Variants in PRKN observed in about 807,000 individuals in gnomAD.
PRKN encodes the protein parkin RBR E3 ubiquitin protein ligase, also known as E3 ubiquitin-protein ligase parkin.
PRKN carries 56 observed loss-of-function variants against 59.5 expected under a neutral mutation model. That is an observed-to-expected ratio of 0.94 (90% confidence interval 0.76 to 1.18). PRKN has a LOEUF of 1.18. PRKN is among the 50% of genes most tolerant of loss of function. The pLI is 0.00. For synonymous variants in PRKN, 250 were observed against 222.1 expected (o/e 1.13, Z -1.12); for missense variants, 657 against 596.4 (o/e 1.10, Z -1.06).
At chr6:161,660,311 T>C (rs529998924) in intron 7 of PRKN, among the ~76,000 whole-genome samples, 6 of 152,210 alleles carry the variant, frequency 3.9e-5, no homozygotes, top group African/African-American at 1.4e-4. Context: ...ATGAGCCAGA[T>C]GGTCAAAGTG....
chr6:162,478,496 A>G (rs73785513), intron 1 of PRKN, among the ~76,000 whole-genome samples: 1,940 of 152,294 alleles, frequency 0.013, 51 homozygotes, highest in African/African-American at 0.044. Flanking sequence ...ACAGCCAGTG[A>G]ACAATCTAGG....
intron 1 of PRKN, among the ~76,000 whole-genome samples, chr6:162,658,945 G>C (rs1202139711): frequency 6.6e-6 from 1 of 151,986 alleles, no homozygotes; most frequent in Non-Finnish European, 1.5e-5. Flanking sequence ...TTTTTTAGTA[G>C]TAAAAAGAAG....
chr6:161,931,919 A>T (rs2128241057), intron 6 of PRKN, among the ~76,000 whole-genome samples: 1 of 152,296 alleles, frequency 6.6e-6, no homozygotes, highest in East Asian at 1.9e-4. Flanking sequence ...CGATTAGGAG[A>T]TTGTAGAGGA....
chr6:162,560,853 CA>C (rs60391138), intron 1 of PRKN, among the ~76,000 whole-genome samples: 6 of 56,506 alleles, frequency 1.1e-4, no homozygotes, highest in Non-Finnish European at 1.5e-4. Context: ...GAGAGAGAGG[CA>C]AAAAAAAAAA....
chr6:162,002,726 T>A (rs753997922), intron 5 of PRKN, among the ~76,000 whole-genome samples: 3 of 152,114 alleles, frequency 2.0e-5, no homozygotes, highest in African/African-American at 4.8e-5. Flanking sequence ...GAAACTGAGA[T>A]GATTTATTTT....
intron 6 of PRKN, among the ~76,000 whole-genome samples, chr6:161,882,567 T>C (rs1562362632): frequency 6.6e-6 from 1 of 152,226 alleles, no homozygotes; most frequent in Non-Finnish European, 1.5e-5. Flanking sequence ...TTAAACTGCA[T>C]AAAGATCAAA....
chr6:161,850,880 T>G (rs1793404793), intron 6 of PRKN, among the ~76,000 whole-genome samples: 1 of 152,214 alleles, frequency 6.6e-6, no homozygotes, highest in Admixed American at 6.5e-5. Context: ...CTTCCAATGC[T>G]ATAACCACTT....
At chr6:162,181,789 G>A (rs1004051491) in intron 4 of PRKN, among the ~76,000 whole-genome samples, 1 of 152,110 alleles carries the variant, frequency 6.6e-6, no homozygotes, top group Admixed American at 6.5e-5. Context: ...AACTATCCCT[G>A]CCCAAGAGAA....
rs781608005 is a variant in PRKN, at chr6:162,201,147, G to A, written c.518C>T (p.Thr173Met). 105 of 1,614,012 alleles carry A rather than the reference G, an allele frequency of 6.5e-5. No homozygotes were observed. Among genetic ancestry groups the A allele is most frequent in the African/African-American group, 8.0e-5 (6 of 74,906 alleles). ...TTTCCTTACCTGGGTCAAGGTGAGCGTTGCCTGCCTGCAGGTGCTGCACTG... is the reference window on the plus strand; with the variant it reads ...TTTCCTTACCTGGGTCAAGGTGAGCATTGCCTGCCTGCAGGTGCTGCACTG... ...RVQCSTCRQA[T>M]LTLTQGPSCW... Residue 173 changes from threonine to methionine, a missense_variant, in exon 4 of 12, where the codon ACG (threonine) becomes ATG (methionine). By Grantham distance (81) the Thr-to-Met change is moderately conservative (BLOSUM62 -1). Transcript: ENST00000366898.
intron 9 of PRKN, among the ~76,000 whole-genome samples, chr6:161,522,459 C>T (rs1220098896): frequency 1.3e-5 from 2 of 152,196 alleles, no homozygotes; most frequent in African/African-American, 4.8e-5. Flanking sequence ...TACTGAGGAA[C>T]AAATTGCTTT....
At chr6:162,115,515 AAAAT>A (rs1230504217) in intron 4 of PRKN, among the ~76,000 whole-genome samples, 4 of 151,184 alleles carry the variant, frequency 2.6e-5, no homozygotes, top group Non-Finnish European at 5.9e-5. Flanking sequence ...TAAATACATT[AAAAT>A]AAATAAATAA....
chr6:162,547,770 G>C (rs1038781083), intron 1 of PRKN, among the ~76,000 whole-genome samples: 1 of 151,732 alleles, frequency 6.6e-6, no homozygotes, highest in African/African-American at 2.4e-5. Context: ...TAGTAGAGAC[G>C]GGGGTTTCAA....
At chr6:161,653,191 T>C (rs898924487) in intron 7 of PRKN, among the ~76,000 whole-genome samples, 1 of 151,408 alleles carries the variant, frequency 6.6e-6, no homozygotes, top group African/African-American at 2.4e-5. Flanking sequence ...TGAAACCCCG[T>C]CTCTATTAAA....
At chr6:162,448,280 T>C (rs1306090505) in intron 1 of PRKN, among the ~76,000 whole-genome samples, 1 of 152,110 alleles carries the variant, frequency 6.6e-6, no homozygotes, top group Non-Finnish European at 1.5e-5. Context: ...TATCACTAAA[T>C]CTAGTATTCC....
At chr6:162,358,731 A>AT (rs1438987638) in intron 2 of PRKN, among the ~76,000 whole-genome samples, 3 of 151,876 alleles carry the variant, frequency 2.0e-5, no homozygotes, top group Admixed American at 6.6e-5. Context: ...ATCATTTTAG[A>AT]TTTTTTTCTC....
At chr6:162,492,723 G>A (rs189045765) in intron 1 of PRKN, among the ~76,000 whole-genome samples, 2 of 152,148 alleles carry the variant, frequency 1.3e-5, no homozygotes, top group East Asian at 3.9e-4. Flanking sequence ...AGGCCAAGGT[G>A]GGTGGATCAG....
intron 3 of PRKN, among the ~76,000 whole-genome samples, chr6:162,249,990 A>G (rs1055352091): frequency 6.6e-6 from 1 of 152,004 alleles, no homozygotes; most frequent in African/African-American, 2.4e-5. Context: ...TACTAAAAAT[A>G]CAAAAGTTAG....
intron 6 of PRKN, among the ~76,000 whole-genome samples, chr6:161,866,328 C>A (rs749190295): frequency 9.2e-5 from 14 of 152,142 alleles, no homozygotes; most frequent in Non-Finnish European, 1.8e-4. Context: ...GTAATCCCAG[C>A]ACTTTGGGAG....
chr6:161,350,528 G>A (rs1165733030), intron 11 of PRKN, among the ~76,000 whole-genome samples: 8 of 140,450 alleles, frequency 5.7e-5, no homozygotes, highest in African/African-American at 1.6e-4. Flanking sequence ...CATAGATAGG[G>A]GTCAATTCCT....
Sources: allele counts gnomAD v4.1 joint callset (sites outside exome capture counted in the v4.1 genomes callset), GRCh38; gene constraint gnomAD v4.1.1; transcripts MANE v1.5; gene names NCBI Gene and HGNC (gene_info 2026-07-23, HGNC 2026-07-21).